PALS2: variants seen among roughly 807,000 people sequenced by gnomAD.
The protein encoded by PALS2 is protein PALS2.
Under a neutral mutation model 61.6 loss-of-function variants are expected in PALS2, and 27 were observed. The observed-to-expected ratio is 0.44, with a 90% confidence interval of 0.32 to 0.60. The LOEUF is 0.60. PALS2 is among the 20% of genes least tolerant of loss of function. PALS2 has a pLI of 0.05. For missense variants in PALS2, 554 were observed against 639.4 expected (o/e 0.87, Z 1.44); for synonymous variants, 236 against 218.6 (o/e 1.08, Z -0.70).
intron 9 of PALS2, among the ~76,000 whole-genome samples, chr7:24,672,894 G>A (rs867890952): frequency 1.8e-4 from 28 of 152,014 alleles, no homozygotes; most frequent in African/African-American, 4.8e-4. Flanking sequence ...TGTTTATGTC[G>A]TTGTCTTGTC....
rs374106738 is a variant in PALS2, at chr7:24,611,070, G to C, written c.-2-12596G>C. ...GGATTTTTAATATTAAAATAGGCAC[G>C]GCCTAGTATATTAAGAATAGCTCAT... On this transcript the variant is annotated intron_variant, in intron 1 of 11. Transcript: ENST00000222644. Among the ~76,000 whole-genome samples the C allele has an allele frequency of 2.6e-4, 40 of 152,142 alleles. No homozygotes were observed. The East Asian group carries it at 7.3e-3, about 28-fold the overall frequency.
In PALS2 at chr7:24,584,813, T is replaced by G. The variant is rs920423444; in HGVS notation, c.-3+11220T>G. On this transcript the variant is annotated intron_variant, in intron 1 of 11. Transcript: ENST00000222644. ...AGTTTTAGGTCTAACGTTTAAGTCTTTAATCCATCTTGAATTAATTTTTGT... is the reference window on the plus strand; with the variant it reads ...AGTTTTAGGTCTAACGTTTAAGTCTGTAATCCATCTTGAATTAATTTTTGT... 9.2e-5 allele frequency among the ~76,000 whole-genome samples: 14 copies of G among 151,770 alleles called. 1 individual carries two copies. Among genetic ancestry groups the G allele is most frequent in the South Asian group, 4.2e-4 (2 of 4,802 alleles).
At chr7:24,654,282 C>T (rs1387587469) in intron 5 of PALS2, among the ~76,000 whole-genome samples, 2 of 150,336 alleles carry the variant, frequency 1.3e-5, no homozygotes, top group African/African-American at 4.9e-5. Flanking sequence ...TTGAAGGATC[C>T]ATAAGTACAG....
intron 1 of PALS2, among the ~76,000 whole-genome samples, chr7:24,607,555 A>G (rs527699561): frequency 4.0e-5 from 6 of 149,794 alleles, no homozygotes; most frequent in East Asian, 2.0e-4. Context: ...GTATATATGT[A>G]TGTGTATATA....
chr7:24,600,666 A>G (rs1262198763), intron 1 of PALS2, among the ~76,000 whole-genome samples: 2 of 152,164 alleles, frequency 1.3e-5, no homozygotes, highest in Non-Finnish European at 2.9e-5. Context: ...AAGAATAGCC[A>G]TTTAACTATT....
chr7:24,609,661 T>C (rs1385397448), intron 1 of PALS2, among the ~76,000 whole-genome samples: 1 of 152,044 alleles, frequency 6.6e-6, no homozygotes, highest in Non-Finnish European at 1.5e-5. Context: ...CCTCCTCCTC[T>C]AGTGTCCTTT....
chr7:24,599,038 G>A (rs1177086055), intron 1 of PALS2, among the ~76,000 whole-genome samples: 4 of 152,152 alleles, frequency 2.6e-5, no homozygotes, highest in Admixed American at 2.0e-4. Context: ...ATAAAATACA[G>A]TCGTGCATCA....
chr7:24,663,800 A>T (rs1314902956), intron 6 of PALS2, 79 bp downstream of exon 6: 2 of 1,448,974 alleles, frequency 1.4e-6, no homozygotes, highest in African/African-American at 2.9e-5. Context: ...AATAGTCAGG[A>T]AGAATATTAG....
intron 1 of PALS2, among the ~76,000 whole-genome samples, chr7:24,583,862 C>T (rs1782948739): frequency 6.6e-6 from 1 of 151,748 alleles, no homozygotes; most frequent in Admixed American, 6.6e-5. Flanking sequence ...CTTCCTGTGT[C>T]CATGTGATCT....
intron 2 of PALS2, among the ~76,000 whole-genome samples, chr7:24,638,145 GACA>G (rs1785329733): frequency 4.0e-5 from 6 of 151,758 alleles, no homozygotes; most frequent in Admixed American, 3.9e-4. Context: ...CCAAGTTTTT[GACA>G]ACATCTCAGA....
chr7:24,650,539 G>T lies in PALS2; in HGVS notation c.478G>T (p.Gly160Trp). The change falls in exon 5 of 12, where the codon GGG (glycine) becomes TGG (tryptophan). Residue 160 changes from glycine to tryptophan, a missense_variant. Physicochemically the swap from Gly to Trp is radical, Grantham distance 184. Transcript: ENST00000222644. ...TCTGGTAATTGCCCGAATCCTCCATGGGGGAATGATAGATCGACAAGGTCT... is the reference window on the plus strand; with the variant it reads ...TCTGGTAATTGCCCGAATCCTCCATTGGGGAATGATAGATCGACAAGGTCT... The part of the protein sequence containing the change: ...NDLVIARILH[G>W]GMIDRQGLLH... The T allele has an allele frequency of 6.2e-7, 1 of 1,612,960 alleles. No individual in the cohort carries two copies. Among genetic ancestry groups the T allele is most frequent in the Non-Finnish European group, 8.5e-7 (1 of 1,179,590 alleles).
chr7:24,622,683 C>CT (rs70942815), intron 1 of PALS2, among the ~76,000 whole-genome samples: 13,995 of 135,622 alleles, frequency 0.1, 883 homozygotes, highest in African/African-American at 0.19. Context: ...TTTCTTTTTT[C>CT]TTTTTTTTTT....
intron 1 of PALS2, among the ~76,000 whole-genome samples, chr7:24,598,632 A>G (rs1783607015): frequency 6.6e-6 from 1 of 152,226 alleles, no homozygotes; most frequent in African/African-American, 2.4e-5. Flanking sequence ...CTGCTGTTTC[A>G]CTGAGTTAGG....
At position 24,573,739 on chromosome 7, in the gene PALS2, C is replaced by T. The variant is rs1461294013; in HGVS notation, c.-3+146C>T. The T allele has an allele frequency of 6.8e-6, 1 of 146,426 alleles. No homozygotes were observed. The highest frequency in any genetic ancestry group is 2.5e-5 in the African/African-American group (1 of 39,888). The allele number at this position is 146,426 out of a possible 1,614,324, so 9.1% of individuals were successfully genotyped here. A position where few individuals can be genotyped will look rare whatever the true frequency, so the allele number is the denominator to read the frequency against. On this transcript the variant is annotated intron_variant, in intron 1 of 11. Coordinates refer to ENST00000222644, the MANE Select transcript of PALS2 (RefSeq NM_001303037.2). This position sits in a 1 kb window ranked among gnomAD's most constrained non-coding sequence, Gnocchi z 5.3. ...CTCGGCACCTGGGCTTCGGCGGGCG[C>T]GGGGAAGAGGGACCGGCAGGCGGCG...
intron 9 of PALS2, among the ~76,000 whole-genome samples, chr7:24,670,487 C>T (rs1583985221): frequency 6.6e-6 from 1 of 152,146 alleles, no homozygotes; most frequent in Non-Finnish European, 1.5e-5. Flanking sequence ...TCCTGGATCC[C>T]ATTCTTTCTC....
intron 1 of PALS2, among the ~76,000 whole-genome samples, chr7:24,616,684 G>A (rs1234726455): frequency 1.3e-5 from 2 of 152,046 alleles, no homozygotes; most frequent in South Asian, 2.1e-4. Flanking sequence ...GATATGTGAG[G>A]ACTTACTCCT....
At chr7:24,616,668 G>A (rs2128054038) in intron 1 of PALS2, among the ~76,000 whole-genome samples, 1 of 152,228 alleles carries the variant, frequency 6.6e-6, no homozygotes, top group East Asian at 1.9e-4. Context: ...AGCCAAGGGT[G>A]TTGTTGATAT....
chr7:24,624,605 C>CTTTTTTTTTT (rs368160704), intron 2 of PALS2, among the ~76,000 whole-genome samples: 36 of 86,350 alleles, frequency 4.2e-4, no homozygotes, highest in Middle Eastern at 6.8e-3. Context: ...GCAGATTCTT[C>CTTTTTTTTTT]TTTTTTTTTT....
chr7:24,589,736 A>G (rs1240097328), intron 1 of PALS2, among the ~76,000 whole-genome samples: 1 of 152,218 alleles, frequency 6.6e-6, no homozygotes, highest in Non-Finnish European at 1.5e-5. Flanking sequence ...TTAATGCTAC[A>G]TGACATGCAA....
Sources: gnomAD v4.1 joint callset for allele counts (sites outside exome capture counted in the v4.1 genomes callset) on GRCh38, gnomAD v4.1.1 for gene constraint, Gnocchi (gnomAD v3.1) non-coding constraint, MANE v1.5 for transcripts, NCBI Gene and HGNC (gene_info 2026-07-23, HGNC 2026-07-21) for gene names.